KCNK2: variants seen among roughly 807,000 people sequenced by gnomAD.
KCNK2 encodes the protein potassium two pore domain channel subfamily K member 2.
A neutral mutation model predicts 40.5 loss-of-function variants in KCNK2; 21 were observed. The ratio of observed to expected loss-of-function variants is 0.52; its 90% CI spans 0.37 to 0.75. The LOEUF (loss-of-function observed/expected upper bound fraction) is 0.75. KCNK2 is among the 30% of genes least tolerant of loss of function. The probability of loss-of-function intolerance (pLI) is 0.00; values close to 1 mark genes in which losing one functional copy is unlikely to be tolerated. For missense variants in KCNK2, 399 were observed against 531.6 expected (o/e 0.75, Z 2.45); for synonymous variants, 191 against 202.2 (o/e 0.94, Z 0.47).
intron 1 of KCNK2, among the ~76,000 whole-genome samples, chr1:215,010,868 T>TTGTG (rs1310617219): frequency 6.0e-4 from 82 of 135,760 alleles, no homozygotes; most frequent in East Asian, 4.2e-3. Flanking sequence ...TTTTTTTTTT[T>TTGTG]TGTGTGTGTG....
At position 215,115,238 on chromosome 1, in the gene KCNK2, CT is replaced by C. The variant is rs950252454; in HGVS notation, c.358-9390del. Among the ~76,000 whole-genome samples the C allele has an allele frequency of 1.6e-3, 247 of 152,084 alleles. 1 individual carries two copies. The highest frequency in any genetic ancestry group is 5.9e-3 in the African/African-American group (243 of 41,516). On this transcript the variant is annotated intron_variant, in intron 2 of 6. Transcript: ENST00000444842. ...CCTTTATATAGGTACAAAACACTTT[CT>C]TTTTGTTTAAACTTGTATCCATTAT... is the stretch of plus-strand genomic sequence containing the variant.
chr1:215,030,542 T>C (rs1657150007), intron 1 of KCNK2, among the ~76,000 whole-genome samples: 1 of 127,188 alleles, frequency 7.9e-6, no homozygotes. Context: ...GTTACCTATC[T>C]TTTTTTTTTT....
chr1:215,101,820 G>C (rs1182117909), intron 2 of KCNK2, among the ~76,000 whole-genome samples: 1 of 151,662 alleles, frequency 6.6e-6, no homozygotes, highest in African/African-American at 2.4e-5. Flanking sequence ...TGATGATGCT[G>C]GTGTAAAAAA....
At chr1:215,005,844 A>G, upstream of KCNK2, 1 of 1,367,480 alleles carries the variant, frequency 7.3e-7, no homozygotes, top group South Asian at 1.2e-5. Context: ...TGTTTTGGAA[A>G]TTACGGACAA....
chr1:215,124,580 T>C, intron 2 of KCNK2, 53 bp from the exon 3 acceptor site: 1 of 1,006,116 alleles, frequency 9.9e-7, no homozygotes. Context: ...ATATGCTGTT[T>C]GATGCCTCTG....
chr1:215,157,764 C>A (rs963763388), intron 3 of KCNK2, among the ~76,000 whole-genome samples: 9 of 152,198 alleles, frequency 5.9e-5, no homozygotes, highest in Non-Finnish European at 1.3e-4. Context: ...GTCTACTCTA[C>A]CGCTTATAGT....
upstream of KCNK2, among the ~76,000 whole-genome samples, chr1:215,080,783 G>T (rs1659124688): frequency 6.6e-6 from 1 of 152,216 alleles, no homozygotes. Flanking sequence ...GCAGCATGGA[G>T]ATTTGCAGGG....
intron 1 of KCNK2, among the ~76,000 whole-genome samples, chr1:215,062,230 G>A (rs1658385326): frequency 6.6e-6 from 1 of 152,104 alleles, no homozygotes. Flanking sequence ...GGAAACCAAA[G>A]ACAAGATAAG....
chr1:215,005,561 T>A (rs1163993033), upstream of KCNK2, among the ~76,000 whole-genome samples: 1 of 152,236 alleles, frequency 6.6e-6, no homozygotes, highest in Non-Finnish European at 1.5e-5. Flanking sequence ...TGAGAATAAG[T>A]GACGCTGGCA....
At chr1:215,023,350 C>A (rs1656878776) in intron 1 of KCNK2, among the ~76,000 whole-genome samples, 1 of 152,148 alleles carries the variant, frequency 6.6e-6, no homozygotes, top group South Asian at 2.1e-4. Context: ...AGAACCCTGC[C>A]ATATAATCCA....
intron 1 of KCNK2, among the ~76,000 whole-genome samples, chr1:215,041,970 G>A (rs1342185009): frequency 1.3e-5 from 2 of 152,162 alleles, no homozygotes; most frequent in African/African-American, 4.8e-5. Context: ...GCAAAGTCAC[G>A]TCTTACATGG....
At chr1:215,012,480 CTT>C (rs140047095) in intron 1 of KCNK2, among the ~76,000 whole-genome samples, 15,271 of 147,492 alleles carry the variant, frequency 0.1, 1,085 homozygotes, top group African/African-American at 0.2. Context: ...TTTTCTTTTT[CTT>C]TTTTTTTTGA....
intron 1 of KCNK2, among the ~76,000 whole-genome samples, chr1:215,074,930 T>A (rs1328263747): frequency 1.3e-5 from 2 of 152,236 alleles, no homozygotes; most frequent in African/African-American, 4.8e-5. Flanking sequence ...GAACTTATTC[T>A]GGTATAACAG....
intron 2 of KCNK2, among the ~76,000 whole-genome samples, chr1:215,107,826 GA>G (rs1340419910): frequency 6.6e-6 from 1 of 151,934 alleles, no homozygotes; most frequent in Non-Finnish European, 1.5e-5. Flanking sequence ...AAAAATATTT[GA>G]AAAACAATAG....
At chr1:215,214,498 C>T (rs1208791496) in intron 6 of KCNK2, among the ~76,000 whole-genome samples, 1 of 152,118 alleles carries the variant, frequency 6.6e-6, no homozygotes, top group Non-Finnish European at 1.5e-5. Flanking sequence ...TTTGTGTTTA[C>T]TAAAGCTATC....
At chr1:215,107,333 A>AT (rs973314516) in intron 2 of KCNK2, among the ~76,000 whole-genome samples, 112 of 151,882 alleles carry the variant, frequency 7.4e-4, no homozygotes, top group African/African-American at 2.6e-3. Flanking sequence ...TAGGTATTTT[A>AT]TTTTTTTGTA....
intron 2 of KCNK2, among the ~76,000 whole-genome samples, chr1:215,088,903 T>C (rs984962885): frequency 6.6e-6 from 1 of 152,242 alleles, no homozygotes; most frequent in Non-Finnish European, 1.5e-5. Context: ...ATTCAATATT[T>C]TTCAGTGCAG....
intron 3 of KCNK2, among the ~76,000 whole-genome samples, chr1:215,140,851 A>G (rs1662141536): frequency 6.6e-6 from 1 of 152,154 alleles, no homozygotes; most frequent in South Asian, 2.1e-4. Context: ...GCTTTCCATA[A>G]CTGTTTTACT....
intron 2 of KCNK2, among the ~76,000 whole-genome samples, chr1:215,108,304 G>A (rs1341380473): frequency 3.3e-5 from 5 of 152,116 alleles, no homozygotes; most frequent in African/African-American, 1.2e-4. Flanking sequence ...TAATGGATAT[G>A]TGTAGGTTAT....
Sources: gnomAD v4.1 joint callset for allele counts (sites outside exome capture counted in the v4.1 genomes callset) on GRCh38, gnomAD v4.1.1 for gene constraint, MANE v1.5 for transcripts, NCBI Gene and HGNC (gene_info 2026-07-23, HGNC 2026-07-21) for gene names.